COPB1: variants seen among roughly 807,000 people sequenced by gnomAD.
The protein encoded by COPB1 is coat protein complex I subunit beta 1, also known as coatomer subunit beta.
In COPB1, 21 loss-of-function variants were observed where a neutral mutation model predicts 108.7. The observed-to-expected ratio is 0.19, with a 90% confidence interval of 0.14 to 0.28. The LOEUF is 0.28. Ranked by LOEUF, COPB1 falls within the 10% of genes least tolerant of loss-of-function variation. The pLI is 1.00. For missense variants in COPB1, 919 were observed against 1,141.3 expected (o/e 0.81, Z 2.81); for synonymous variants, 378 against 386.8 (o/e 0.98, Z 0.27).
At position 14,464,576 on chromosome 11, in the gene COPB1, T is replaced by G. The variant is rs1205180754; in HGVS notation, c.2410+335A>C. ...ATTATCCTTTGATAACACACCATCTTCCTTTATAAAGCCTTCCACACTGTT... is the reference window on the plus strand; with the variant it reads ...ATTATCCTTTGATAACACACCATCTGCCTTTATAAAGCCTTCCACACTGTT... On this transcript the variant is annotated intron_variant, in intron 18 of 21. Coordinates refer to ENST00000439561, the MANE Select transcript of COPB1 (RefSeq NM_001144061.2). Among the ~76,000 whole-genome samples, 84 of 152,134 alleles carry G rather than the reference T, an allele frequency of 5.5e-4. 1 individual carries two copies. Among genetic ancestry groups the G allele is most frequent in the Admixed American group, 5.5e-3 (84 of 15,264 alleles).
Position 14,469,426 on chromosome 11 carries a change from A to G in COPB1, c.1875T>C (p.Pro625=). 1 of 1,614,224 alleles carries G rather than the reference A, an allele frequency of 6.2e-7. No individual in the cohort carries two copies. The highest frequency in any genetic ancestry group is 8.5e-7 in the Non-Finnish European group (1 of 1,180,030). The change falls in exon 15 of 22, where the codon CCT becomes CCC. Residue 625 remains proline, a synonymous_variant. Transcript: ENST00000439561. The part of the protein sequence containing the change: ...LCLKVLSECS[P]LMNDIFNKEC... ...CCTTATTGAAAATGTCATTCATTAA[A>G]GGTGAACATTCAGACAAGACCTTGA... is the stretch of plus-strand genomic sequence containing the variant.
At position 14,486,395 on chromosome 11, in the gene COPB1, G is replaced by A. The variant is rs748693839; in HGVS notation, c.809C>T (p.Thr270Ile). 3 of 1,614,154 alleles carry A rather than the reference G, an allele frequency of 1.9e-6. No individual in the cohort carries two copies. Among genetic ancestry groups the A allele is most frequent in the South Asian group, 2.2e-5 (2 of 91,088 alleles). ...GATTGCAGTTGGTGCACTAGAGAGT[G>A]TCACTAATGTCCCAGCAGCTTCATA... ...VKYEAAGTLV[T>I]LSSAPTAIKA... Residue 270 changes from threonine to isoleucine, a missense_variant, in exon 7 of 22, where the codon ACA becomes ATA. Transcript: ENST00000439561.
intron 6 of COPB1, among the ~76,000 whole-genome samples, chr11:14,486,984 T>A (rs1304218193): frequency 6.6e-6 from 1 of 152,186 alleles, no homozygotes; most frequent in Non-Finnish European, 1.5e-5. Flanking sequence ...TTATTCTGGA[T>A]GCCAAAGGGA....
At chr11:14,468,236 A>G (rs918932582) in intron 16 of COPB1, among the ~76,000 whole-genome samples, 2 of 152,196 alleles carry the variant, frequency 1.3e-5, no homozygotes, top group Admixed American at 6.5e-5. Context: ...TTAAATTTAT[A>G]TATTTAAGAG....
chr11:14,483,350 C>T (rs1271843486), intron 7 of COPB1, among the ~76,000 whole-genome samples, 199 bp from the exon 8 acceptor site: 1 of 151,746 alleles, frequency 6.6e-6, no homozygotes. Context: ...TTCCTCTAGT[C>T]CCTTGTTATT....
chr11:14,463,515 G>A (rs1172544490), intron 18 of COPB1, among the ~76,000 whole-genome samples: 15 of 152,106 alleles, frequency 9.9e-5, no homozygotes, highest in Admixed American at 5.2e-4. Context: ...ACAGGATTTC[G>A]CTATGTTGGC....
intron 18 of COPB1, among the ~76,000 whole-genome samples, chr11:14,464,475 TGAA>T: frequency 6.6e-6 from 1 of 152,208 alleles, no homozygotes; most frequent in African/African-American, 2.4e-5. Flanking sequence ...GCTTACTGAC[TGAA>T]TGACTCTATA....
rs775505012 is a variant in COPB1 at position 14,468,737 on chromosome 11, T to C, written c.2089A>G (p.Met697Val). The C allele has an allele frequency of 7.4e-6, 12 of 1,614,036 alleles. No homozygotes were observed. The highest frequency in any genetic ancestry group is 2.2e-5 in the South Asian group (2 of 91,084). ...DQFQLSLLAAMGNTQRKEAAD... is the reference protein window; with the variant it reads ...DQFQLSLLAAVGNTQRKEAAD... ...GCCTCTTTCCTCTGTGTGTTACCCA[T>C]TGCTGCCAGTAAACTCAGCTGAAAC... Residue 697 changes from methionine to valine, a missense_variant, in exon 16 of 22, where the codon ATG (methionine) becomes GTG (valine). Met to Val is a conservative substitution (Grantham distance 21). Around this residue, in one of 5 missense-constraint regions of COPB1, gnomAD observed 705 missense variants for 817.8 expected, o/e 0.86. Transcript: ENST00000439561.
intron 4 of COPB1, 85 bp from the exon 5 acceptor site, chr11:14,490,764 T>C: frequency 5.5e-6 from 4 of 721,982 alleles, no homozygotes; most frequent in South Asian, 4.0e-5. Context: ...CAAAATTAAA[T>C]TTAATCAAAC....
intron 7 of COPB1, 117 bp from the exon 8 acceptor site, chr11:14,483,268 A>T (rs1850703684): frequency 1.8e-6 from 1 of 559,262 alleles, no homozygotes; most frequent in South Asian, 4.1e-5. Flanking sequence ...ACTCCCATGA[A>T]GCCAAAATAC....
At chr11:14,470,944 A>ACACACACACACACACACACTCTCT (rs1285522756) in intron 14 of COPB1, among the ~76,000 whole-genome samples, 2 of 90,156 alleles carry the variant, frequency 2.2e-5, no homozygotes, top group African/African-American at 1.0e-4. Context: ...ACACACACAC[A>ACACACACACACACACACACTCTCT]CTCTCTCTCT....
chr11:14,464,775 G>T, intron 18 of COPB1, 136 bp downstream of exon 18: 2 of 929,460 alleles, frequency 2.2e-6, no homozygotes, highest in Non-Finnish European at 3.1e-6. Context: ...TCAATGCGTG[G>T]TACCATAGAG....
intron 6 of COPB1, among the ~76,000 whole-genome samples, chr11:14,487,661 T>C (rs1304815899): frequency 6.7e-6 from 1 of 149,358 alleles, no homozygotes; most frequent in Non-Finnish European, 1.5e-5. Context: ...GGCAATAGAG[T>C]GAGACTCTGC....
chr11:14,465,025 G>C lies in COPB1; in HGVS notation c.2296C>G (p.Leu766Val). Residue 766 changes from leucine to valine, a missense_variant, in exon 18 of 22, where the codon CTG becomes GTG. Leu to Val is a conservative substitution (Grantham distance 32). This residue lies in a region of COPB1 where 705 missense variants were observed against 817.8 expected (regional missense o/e 0.86). Coordinates refer to ENST00000439561, the MANE Select transcript of COPB1 (RefSeq NM_001144061.2). ...CTLELATLGD[L>V]KLVEKPSPLT... ...GGAGACGGCTTTTCCACAAGTTTCA[G>C]ATCCCCTGAAAGAAAGAGTTTGGAT... The C allele has an allele frequency of 6.2e-7, 1 of 1,608,218 alleles. No individual in the cohort carries two copies. The highest frequency in any genetic ancestry group is 8.5e-7 in the Non-Finnish European group (1 of 1,177,674).
intron 16 of COPB1, 114 bp from the exon 17 acceptor site, chr11:14,466,540 T>C (rs968826649): frequency 1.0e-6 from 1 of 982,546 alleles, no homozygotes; most frequent in Non-Finnish European, 1.5e-6. Context: ...AGAAGTCATT[T>C]TGAGATAGGT....
chr11:14,476,092 C>A (rs978195734), intron 12 of COPB1, 147 bp from the exon 13 acceptor site: 10 of 662,386 alleles, frequency 1.5e-5, no homozygotes, highest in East Asian at 2.8e-5. Context: ...ATTTCCTTCC[C>A]AGGATAATGT....
chr11:14,465,062 T>TACAC lies in COPB1; in HGVS notation c.2291-36_2291-33dup, dbSNP rs3835110. Reference sequence around the variant, plus strand: ...GAAAGAGTTTGGATATGGTTAAAAATACACACACACACACACACACACACA... The same window carrying TACAC: ...GAAAGAGTTTGGATATGGTTAAAAATACACACACACACACACACACACACACACA... On this transcript the variant is annotated intron_variant, in intron 17 of 21. Transcript: ENST00000439561. The TACAC allele has an allele frequency of 9.7e-3, 10,796 of 1,110,364 alleles. 94 individuals carry two copies. Among genetic ancestry groups the TACAC allele is most frequent in the East Asian group, 0.047 (1,527 of 32,720 alleles). The allele number at this position is 1,110,364 out of a possible 1,614,324, so 68.8% of individuals were successfully genotyped here.
intron 18 of COPB1, among the ~76,000 whole-genome samples, chr11:14,463,697 C>A (rs973936460): frequency 2.6e-5 from 4 of 152,186 alleles, no homozygotes; most frequent in African/African-American, 9.7e-5. Flanking sequence ...CACTTTAATA[C>A]CGAACCTGCT....
chr11:14,485,772 CAG>C (rs1243375878), intron 7 of COPB1, among the ~76,000 whole-genome samples: 2 of 152,214 alleles, frequency 1.3e-5, no homozygotes, highest in East Asian at 3.9e-4. Flanking sequence ...TGCTTAAACC[CAG>C]GAGGTGGAGG....
Sources: allele counts gnomAD v4.1 joint callset (sites outside exome capture counted in the v4.1 genomes callset), GRCh38; gene constraint gnomAD v4.1.1; regional missense constraint gnomAD v4.1.1; transcripts MANE v1.5; gene names NCBI Gene and HGNC (gene_info 2026-07-23, HGNC 2026-07-21).